The following IFT70A variants were observed in gnomAD, a reference collection of about 807,000 sequenced individuals.
The protein encoded by IFT70A is intraflagellar transport protein 70A.
the IFT70A span, chr2:177,617,055 C>T: frequency 3.7e-6 from 6 of 1,613,352 alleles, no homozygotes; most frequent in South Asian, 6.6e-5. Context: ...GAGTTCCTAT[C>T]ACCAAATTCA....
the IFT70A span, chr2:177,614,724 G>A: frequency 6.6e-6 from 1 of 150,404 alleles, no homozygotes; most frequent in African/African-American, 2.5e-5. Flanking sequence ...TTGACAAAAG[G>A]GAAAAGATAA....
chr2:177,618,068 C>A, the IFT70A span: 6 of 1,614,158 alleles, frequency 3.7e-6, no homozygotes, highest in Non-Finnish European at 5.1e-6. Flanking sequence ...ATAATCTCAG[C>A]GATATGCTTC....
the IFT70A span, chr2:177,618,200 C>T: frequency 6.2e-7 from 1 of 1,614,232 alleles, no homozygotes; most frequent in Non-Finnish European, 8.5e-7. Flanking sequence ...TCATACTGTC[C>T]CTCCTTGTAG....
the IFT70A span, chr2:177,617,166 A>T: frequency 8.7e-6 from 14 of 1,606,632 alleles, no homozygotes; most frequent in Non-Finnish European, 1.2e-5. Context: ...CTTCATTTTG[A>T]CTTGTCATAA....
At chr2:177,616,899 CAT>C in the IFT70A span, 18 of 1,595,530 alleles carry the variant, frequency 1.1e-5, 2 homozygotes, top group South Asian at 1.5e-4. Flanking sequence ...GAATGACTAT[CAT>C]GTGTTTTGAC....
At chr2:177,616,167 C>G in the IFT70A span, 1 of 152,234 alleles carries the variant, frequency 6.6e-6, no homozygotes, top group Non-Finnish European at 1.5e-5. Context: ...CTAAACTAGA[C>G]TTCGTTGCAA....
chr2:177,616,916 T>C, the IFT70A span: 1 of 1,597,262 alleles, frequency 6.3e-7, no homozygotes, highest in East Asian at 2.2e-5. Flanking sequence ...TTTGACATGT[T>C]TTCTAACAAG....
the IFT70A span, chr2:177,616,688 C>A: frequency 1.4e-6 from 2 of 1,445,836 alleles, no homozygotes; most frequent in South Asian, 1.8e-5. Flanking sequence ...TTGAAAAAAG[C>A]CACTATCAGT....
chr2:177,618,725 C>T, the IFT70A span: 1 of 1,518,670 alleles, frequency 6.6e-7, no homozygotes, highest in Non-Finnish European at 8.8e-7. Flanking sequence ...GTTATGCGTG[C>T]GGTTACCACG....
chr2:177,618,319 T>C, the IFT70A span: 1 of 1,613,900 alleles, frequency 6.2e-7, no homozygotes, highest in South Asian at 1.1e-5. Flanking sequence ...CCCTGGCAGA[T>C]CGCCCTCGCT....
the IFT70A span, chr2:177,615,614 G>A: frequency 6.6e-6 from 1 of 151,960 alleles, no homozygotes; most frequent in Non-Finnish European, 1.5e-5. Context: ...CAAAATCCTA[G>A]AAAACATTAA....
At chr2:177,617,441 C>T in the IFT70A span, 1 of 1,610,970 alleles carries the variant, frequency 6.2e-7, no homozygotes, top group Non-Finnish European at 8.5e-7. Flanking sequence ...ATGTATTTCT[C>T]CATGGTTTCA....
At chr2:177,617,999 C>G in the IFT70A span, 2 of 1,614,216 alleles carry the variant, frequency 1.2e-6, no homozygotes. Context: ...CTGCGAACAT[C>G]AAAGCCCTCG....
the IFT70A span, chr2:177,617,453 C>T: frequency 6.2e-7 from 1 of 1,613,168 alleles, no homozygotes; most frequent in Non-Finnish European, 8.5e-7. Context: ...ATGGTTTCAT[C>T]ATATTCATTC....
chr2:177,613,371 G>A, the IFT70A span: 1 of 152,300 alleles, frequency 6.6e-6, no homozygotes, highest in South Asian at 2.1e-4. Context: ...TCTGATTCCT[G>A]AAGCTTTCTT....
At chr2:177,617,115 C>A in the IFT70A span, 38 of 1,609,636 alleles carry the variant, frequency 2.4e-5, no homozygotes, top group East Asian at 8.5e-4. Context: ...AAGAGAGCTG[C>A]TCTTCCTCCT....
chr2:177,615,921 C>T, the IFT70A span: 17 of 151,884 alleles, frequency 1.1e-4, no homozygotes, highest in African/African-American at 4.1e-4. Flanking sequence ...TTTTAAAAAA[C>T]CAAAAATATT....
At chr2:177,618,642 C>T in the IFT70A span, 7 of 1,608,676 alleles carry the variant, frequency 4.4e-6, no homozygotes, top group Admixed American at 1.7e-5. Flanking sequence ...CGCGGATGAG[C>T]CGGTACACTA....
the IFT70A span, chr2:177,617,308 G>A: frequency 6.3e-7 from 1 of 1,584,460 alleles, no homozygotes; most frequent in Non-Finnish European, 8.6e-7. Flanking sequence ...CAGAACATGA[G>A]CCACATTCAA....
Sources: gnomAD v4.1 joint callset for allele counts on GRCh38, gnomAD v4.1.1 for gene constraint, MANE v1.5 for transcripts, NCBI Gene and HGNC (gene_info 2026-07-23, HGNC 2026-07-21) for gene names.